NDST4: variants seen among roughly 807,000 people sequenced by gnomAD.
The protein encoded by NDST4 is N-heparan sulfate sulfotransferase 4.
NDST4 carries 63 observed loss-of-function variants against 100.8 expected under a neutral mutation model. That is an observed-to-expected ratio of 0.62 (90% CI 0.51 to 0.77). The LOEUF is 0.77. Ranked by LOEUF, NDST4 falls within the 30% of genes least tolerant of loss-of-function variation. NDST4 has a pLI of 0.00. For missense variants in NDST4, 943 were observed against 1,018.4 expected, an observed-to-expected ratio of 0.93 and a Z score of 1.01; for synonymous variants, 377 against 361.8, an observed-to-expected ratio of 1.04 and a Z score of -0.48.
chr4:114,942,184 C>T (rs1370059762), intron 4 of NDST4, among the ~76,000 whole-genome samples: 1 of 152,080 alleles, frequency 6.6e-6, no homozygotes, highest in Non-Finnish European at 1.5e-5. Flanking sequence ...AAATGCACAT[C>T]AAAACAATTA....
intron 3 of NDST4, among the ~76,000 whole-genome samples, chr4:114,975,375 A>G (rs2126243189): frequency 6.6e-6 from 1 of 152,292 alleles, no homozygotes; most frequent in Admixed American, 6.5e-5. Flanking sequence ...CCACAGTATT[A>G]CAACACAAAC....
intron 2 of NDST4, among the ~76,000 whole-genome samples, chr4:115,049,970 G>A (rs77869368): frequency 0.022 from 3,339 of 152,162 alleles, 122 homozygotes; most frequent in African/African-American, 0.076. Flanking sequence ...ATTAATGAGA[G>A]GGTATTGCCT....
intron 2 of NDST4, among the ~76,000 whole-genome samples, chr4:115,021,540 A>ATC (rs1436341495): frequency 2.5e-4 from 21 of 82,976 alleles, no homozygotes; most frequent in South Asian, 6.0e-4. Context: ...CACGTTCCAC[A>ATC]TATACACATT....
chr4:114,852,861 C>T, intron 7 of NDST4, 40 bp from the exon 8 acceptor site: 1 of 1,350,348 alleles, frequency 7.4e-7, no homozygotes, highest in Non-Finnish European at 1.0e-6. Context: ...AGTGTAATGA[C>T]TGTCTGGCTC....
At chr4:114,846,884 G>T (rs1440765426) in intron 9 of NDST4, among the ~76,000 whole-genome samples, 1 of 152,032 alleles carries the variant, frequency 6.6e-6, no homozygotes, top group Non-Finnish European at 1.5e-5. Context: ...TGTTCCATTT[G>T]GGCTCACAGA....
intron 1 of NDST4, among the ~76,000 whole-genome samples, chr4:115,111,629 G>T (rs1164352018): frequency 6.6e-6 from 1 of 151,450 alleles, no homozygotes; most frequent in East Asian, 1.9e-4. Flanking sequence ...TTTTCAGGAG[G>T]TTTTACCTTC....
intron 2 of NDST4, among the ~76,000 whole-genome samples, chr4:115,066,242 AAC>A (rs1675465883): frequency 6.6e-6 from 1 of 152,208 alleles, no homozygotes; most frequent in Non-Finnish European, 1.5e-5. Context: ...GTATTTTCTC[AAC>A]TTTTTAATTC....
At chr4:114,909,669 CAAAA>C (rs773267929) in intron 6 of NDST4, among the ~76,000 whole-genome samples, 5 of 61,680 alleles carry the variant, frequency 8.1e-5, no homozygotes, top group African/African-American at 2.7e-4. Context: ...GACTCCGTCT[CAAAA>C]AAAAAAAAAA....
chr4:114,948,793 A>G (rs1725925819), intron 4 of NDST4, among the ~76,000 whole-genome samples: 1 of 152,110 alleles, frequency 6.6e-6, no homozygotes, highest in Non-Finnish European at 1.5e-5. Context: ...AGTGTCAACT[A>G]CTTTAAAAAA....
chr4:114,888,536 A>G (rs146742713), intron 6 of NDST4, among the ~76,000 whole-genome samples: 1 of 152,342 alleles, frequency 6.6e-6, no homozygotes, highest in Non-Finnish European at 1.5e-5. Flanking sequence ...TTAACGAATG[A>G]ACTGGTAAAG....
At chr4:114,887,658 AG>A (rs1724508290) in intron 6 of NDST4, among the ~76,000 whole-genome samples, 1 of 152,190 alleles carries the variant, frequency 6.6e-6, no homozygotes. Flanking sequence ...TCTAGCTTAA[AG>A]TAATTTGGCA....
At chr4:114,934,250 C>T (rs185087782) in intron 6 of NDST4, among the ~76,000 whole-genome samples, 1 of 152,192 alleles carries the variant, frequency 6.6e-6, no homozygotes, top group African/African-American at 2.4e-5. Flanking sequence ...AAGTCAGGAC[C>T]AGAAAGACAA....
intron 6 of NDST4, among the ~76,000 whole-genome samples, chr4:114,905,362 A>C (rs1724926640): frequency 6.6e-6 from 1 of 151,938 alleles, no homozygotes; most frequent in South Asian, 2.1e-4. Flanking sequence ...GGGATTTCTT[A>C]ACAATTTATA....
At chr4:114,995,877 T>C (rs1727149640) in intron 2 of NDST4, among the ~76,000 whole-genome samples, 1 of 152,072 alleles carries the variant, frequency 6.6e-6, no homozygotes, top group South Asian at 2.1e-4. Flanking sequence ...AGTTTTCTTA[T>C]TCTTAAAATA....
chr4:114,854,108 T>C (rs28696823), intron 7 of NDST4, among the ~76,000 whole-genome samples: 40,136 of 152,170 alleles, frequency 0.26, 7,991 homozygotes, highest in African/African-American at 0.56. Flanking sequence ...TCCCCATTCC[T>C]ACCACCTCCA....
At chr4:114,902,621 C>T (rs1466470246) in intron 6 of NDST4, among the ~76,000 whole-genome samples, 5 of 151,958 alleles carry the variant, frequency 3.3e-5, no homozygotes, top group Admixed American at 6.6e-5. Flanking sequence ...CATTAATTTG[C>T]GGAAATTATC....
At position 115,017,386 on chromosome 4, in the gene NDST4, A is replaced by G. The variant is rs991345629; in HGVS notation, c.979-40112T>C. On this transcript the variant is annotated intron_variant, in intron 2 of 13. Transcript: ENST00000264363. ...ATTTCCTGTTTTTGTTTTATCCACC[A>G]AACACATTACCCAAATAAAAAAGCC... 2.6e-5 allele frequency among the ~76,000 whole-genome samples: 4 copies of G among 152,156 alleles called. No homozygotes were observed. The South Asian group carries it at 8.3e-4, about 32-fold the overall frequency.
At chr4:115,105,542 C>T (rs977997284) in intron 1 of NDST4, among the ~76,000 whole-genome samples, 8 of 152,102 alleles carry the variant, frequency 5.3e-5, no homozygotes, top group Non-Finnish European at 8.8e-5. Context: ...ACTGCTAGAG[C>T]TGGATTTAGG....
intron 8 of NDST4, among the ~76,000 whole-genome samples, chr4:114,851,587 G>A (rs893791995): frequency 6.6e-6 from 1 of 152,050 alleles, no homozygotes; most frequent in African/African-American, 2.4e-5. Flanking sequence ...AAATGATAGG[G>A]GATACATCTT....
Sources: gnomAD v4.1 joint callset for allele counts (sites outside exome capture counted in the v4.1 genomes callset) on GRCh38, gnomAD v4.1.1 for gene constraint, MANE v1.5 for transcripts, NCBI Gene and HGNC (gene_info 2026-07-23, HGNC 2026-07-21) for gene names.